The following PCDH15 variants were observed in gnomAD, a reference collection of about 807,000 sequenced individuals.
The protein encoded by PCDH15 is protocadherin related 15.
In PCDH15, 129 loss-of-function variants were observed where a neutral mutation model predicts 178.5. The ratio of observed to expected loss-of-function variants is 0.72; its 90% CI spans 0.63 to 0.84. The LOEUF (loss-of-function observed/expected upper bound fraction) is 0.84. Ranked by LOEUF, PCDH15 falls within the 40% of genes least tolerant of loss-of-function variation. The pLI is 0.00. For synonymous variants in PCDH15, 800 were observed against 732.0 expected, an observed-to-expected ratio of 1.09 and a Z score of -1.50; for missense variants, 2,230 against 2,099.9, an observed-to-expected ratio of 1.06 and a Z score of -1.21.
At chr10:54,955,863 T>C (rs1838472362) in intron 2 of PCDH15, among the ~76,000 whole-genome samples, 1 of 151,234 alleles carries the variant, frequency 6.6e-6, no homozygotes, top group Admixed American at 6.6e-5. Flanking sequence ...ATTTCTTAAA[T>C]AGACAAATTT....
intron 2 of PCDH15, among the ~76,000 whole-genome samples, chr10:55,618,129 C>A (rs1843515377): frequency 6.6e-6 from 1 of 151,886 alleles, no homozygotes; most frequent in East Asian, 1.9e-4. Context: ...GATTTTTTTT[C>A]TATTGCATTG....
chr10:54,324,944 G>C lies in PCDH15; in HGVS notation c.705+4652C>G, dbSNP rs376391077. On this transcript the variant is annotated intron_variant, in intron 7 of 37. Coordinates refer to ENST00000644397, the MANE Select transcript of PCDH15 (RefSeq NM_001384140.1). ...GATTACTTTGATTCTATGTGAATTA[G>C]GGTAACATATCAAAGTTGAGGTTAT... is the stretch of plus-strand genomic sequence containing the variant. Among the ~76,000 whole-genome samples the C allele has an allele frequency of 9.9e-5, 15 of 151,902 alleles. No homozygotes were observed. The East Asian group carries it at 1.2e-3, about 12-fold the overall frequency.
chr10:55,327,177 G>A (rs753672976), intron 2 of PCDH15, among the ~76,000 whole-genome samples: 1 of 151,980 alleles, frequency 6.6e-6, no homozygotes, highest in Non-Finnish European at 1.5e-5. Flanking sequence ...CAATATATCT[G>A]GCCCCTTCTG....
intron 18 of PCDH15, among the ~76,000 whole-genome samples, chr10:54,057,348 A>G (rs913585205): frequency 6.6e-6 from 1 of 152,182 alleles, no homozygotes; most frequent in African/African-American, 2.4e-5. Context: ...ACATCCAGGC[A>G]TTTCCATACA....
intron 5 of PCDH15, among the ~76,000 whole-genome samples, chr10:54,352,067 A>T (rs754300634): frequency 6.6e-6 from 1 of 152,170 alleles, no homozygotes; most frequent in Non-Finnish European, 1.5e-5. Flanking sequence ...CATCAATATC[A>T]TTGTGTTGGT....
chr10:55,074,884 A>AT (rs1308359932), intron 2 of PCDH15, among the ~76,000 whole-genome samples: 1 of 152,078 alleles, frequency 6.6e-6, no homozygotes, highest in Non-Finnish European at 1.5e-5. Flanking sequence ...TCTTGAGATA[A>AT]TTTTTGTATA....
intron 2 of PCDH15, among the ~76,000 whole-genome samples, chr10:55,458,950 C>T (rs557411244): frequency 3.3e-5 from 5 of 152,004 alleles, no homozygotes; most frequent in Non-Finnish European, 7.4e-5. Flanking sequence ...GAACTACAGG[C>T]AATTTGGACT....
At chr10:54,312,078 T>C (rs2060945665) in intron 8 of PCDH15, among the ~76,000 whole-genome samples, 3 of 152,096 alleles carry the variant, frequency 2.0e-5, no homozygotes, top group African/African-American at 7.2e-5. Context: ...GATCAGCAAG[T>C]ATGTAATTAG....
intron 2 of PCDH15, among the ~76,000 whole-genome samples, chr10:55,115,302 A>G (rs1203799359): frequency 6.6e-6 from 1 of 152,226 alleles, no homozygotes; most frequent in Non-Finnish European, 1.5e-5. Flanking sequence ...ACCTTAGAAG[A>G]AAAGGCCTTT....
intron 18 of PCDH15, among the ~76,000 whole-genome samples, chr10:54,026,178 C>T (rs766012779): frequency 2.0e-5 from 3 of 151,762 alleles, no homozygotes; most frequent in Non-Finnish European, 2.9e-5. Context: ...AAGCAATCCT[C>T]CCACCTCAGC....
intron 8 of PCDH15, among the ~76,000 whole-genome samples, chr10:54,312,510 C>T (rs857369): frequency 0.51 from 77,832 of 151,866 alleles, 20,575 homozygotes; most frequent in Middle Eastern, 0.61. Context: ...ACTGACCCTT[C>T]AAATTCCATA....
At chr10:54,880,053 G>C (rs2131805024) in intron 3 of PCDH15, among the ~76,000 whole-genome samples, 3 of 152,102 alleles carry the variant, frequency 2.0e-5, no homozygotes, top group Middle Eastern at 6.8e-3. Context: ...TGTATGTTTA[G>C]AACAAATTAA....
At chr10:55,418,706 G>T (rs1838546353) in intron 2 of PCDH15, among the ~76,000 whole-genome samples, 1 of 151,652 alleles carries the variant, frequency 6.6e-6, no homozygotes, top group Non-Finnish European at 1.5e-5. Flanking sequence ...AGGTAAATAT[G>T]ACAATATAAG....
At position 54,044,490 on chromosome 10, in the gene PCDH15, C is replaced by T. The variant is rs927264718; in HGVS notation, c.2221-21293G>A. ...ATCATTGAAAAGTTCAGTGATGGCT[C>T]TCCTCACCAGGCCAGAGTAGAGGGT... On this transcript the variant is annotated intron_variant, in intron 18 of 37. Coordinates refer to ENST00000644397, the MANE Select transcript of PCDH15 (RefSeq NM_001384140.1). Among the ~76,000 whole-genome samples, 3 of 152,190 alleles carry T rather than the reference C, an allele frequency of 2.0e-5. No homozygotes were observed. In the East Asian group the frequency reaches 5.8e-4, roughly 30 times the overall value.
At chr10:54,626,815 A>G (rs994021780) in intron 2 of PCDH15, among the ~76,000 whole-genome samples, 4 of 152,140 alleles carry the variant, frequency 2.6e-5, no homozygotes, top group African/African-American at 9.7e-5. Context: ...CAGCTTGCAC[A>G]GTTCACCTGG....
At chr10:54,995,098 CG>C (rs1839603933) in intron 2 of PCDH15, among the ~76,000 whole-genome samples, 1 of 151,856 alleles carries the variant, frequency 6.6e-6, no homozygotes, top group Non-Finnish European at 1.5e-5. Flanking sequence ...TAGTTTAGGC[CG>C]GGCACGGTGG....
intron 3 of PCDH15, among the ~76,000 whole-genome samples, chr10:54,868,021 T>C (rs1189324126): frequency 2.0e-5 from 3 of 152,172 alleles, no homozygotes; most frequent in Non-Finnish European, 1.5e-5. Flanking sequence ...TTAATTAGCT[T>C]GTCTTAATTA....
chr10:55,090,154 A>C (rs1842279245), intron 2 of PCDH15, among the ~76,000 whole-genome samples: 1 of 152,064 alleles, frequency 6.6e-6, no homozygotes, highest in Non-Finnish European at 1.5e-5. Context: ...TATTTGAAAA[A>C]TATTTTACTA....
chr10:54,374,824 T>A (rs1197277212), intron 4 of PCDH15, among the ~76,000 whole-genome samples: 1 of 152,084 alleles, frequency 6.6e-6, no homozygotes, highest in Non-Finnish European at 1.5e-5. Context: ...TCTAATTAAA[T>A]ACAAATATCT....
Sources: gnomAD v4.1 joint callset for allele counts (sites outside exome capture counted in the v4.1 genomes callset) on GRCh38, gnomAD v4.1.1 for gene constraint, MANE v1.5 for transcripts, NCBI Gene and HGNC (gene_info 2026-07-23, HGNC 2026-07-21) for gene names.